SYCP2: variants seen among roughly 807,000 people sequenced by gnomAD.
The protein encoded by SYCP2 is synaptonemal complex protein 2.
Under a neutral mutation model 211.3 loss-of-function variants are expected in SYCP2, and 55 were observed. The observed-to-expected ratio is 0.26, with a 90% CI of 0.21 to 0.33. SYCP2 has a LOEUF of 0.33. SYCP2 is among the 10% of genes least tolerant of loss of function. The pLI is 1.00. For synonymous variants in SYCP2, 570 were observed against 555.2 expected, an observed-to-expected ratio of 1.03 and a Z score of -0.37; for missense variants, 1,731 against 1,752.0, an observed-to-expected ratio of 0.99 and a Z score of 0.21.
chr20:59,879,862 T>TACACACACAC (rs1236840424), intron 31 of SYCP2, among the ~76,000 whole-genome samples: 6 of 116,066 alleles, frequency 5.2e-5, no homozygotes, highest in African/African-American at 2.0e-4. Context: ...TATATATATA[T>TACACACACAC]ACACACACAC....
rs145920091 is a variant in SYCP2, at chr20:59,931,792, TAC to T, written c.-47+268_-47+269del. ...AGGAAAGCAAACTGAATAATCAGGT[TAC>T]ACACACACACACACGCATGCCTCAA... is the stretch of plus-strand genomic sequence containing the variant. On this transcript the variant is annotated intron_variant, in intron 2 of 44. Transcript: ENST00000357552. Among the ~76,000 whole-genome samples the T allele has an allele frequency of 1.1e-3, 163 of 150,970 alleles. 1 individual carries two copies. Among genetic ancestry groups the T allele is most frequent in the South Asian group, 9.8e-3 (47 of 4,782 alleles).
At position 59,865,626 on chromosome 20, in the gene SYCP2, C is replaced by T. The variant is rs539397918; in HGVS notation, c.4405G>A (p.Ala1469Thr). Reference sequence around the variant, plus strand: ...TCAGTATTACAGAAGACACTTTTAGCCAATGAAGTTTTCAAAAGATGAAGC... The same window carrying T: ...TCAGTATTACAGAAGACACTTTTAGTCAATGAAGTTTTCAAAAGATGAAGC... ...QRLHLLKTSL[A>T]KSVFCNTDSE... The change falls in exon 43 of 45, where the codon GCT (alanine) becomes ACT (threonine). Residue 1469 changes from alanine (A) to threonine (T), a missense_variant. Physicochemically the swap from Ala to Thr is moderately conservative, Grantham distance 58. Around this residue, in one of 3 missense-constraint regions of SYCP2, gnomAD observed 1,387 missense variants for 1,351.3 expected, o/e 1.03. Transcript: ENST00000357552. The T allele has an allele frequency of 1.7e-5, 27 of 1,599,786 alleles. No individual in the cohort carries two copies. The African/African-American group carries it at 3.4e-4, about 20-fold the overall frequency.
At chr20:59,915,979 C>A (rs929057514) in intron 8 of SYCP2, among the ~76,000 whole-genome samples, 18 of 151,810 alleles carry the variant, frequency 1.2e-4, no homozygotes, top group Admixed American at 1.1e-3. Flanking sequence ...GCAGATAGAG[C>A]AAGACTCTCT....
At chr20:59,868,781 G>A (rs1049161587) in intron 37 of SYCP2, 54 bp downstream of exon 37, 18 of 1,451,476 alleles carry the variant, frequency 1.2e-5, no homozygotes, top group Non-Finnish European at 1.6e-5. Flanking sequence ...TAGTTGAAAT[G>A]TCACGTAGCA....
At chr20:59,872,638 G>T (rs2059476104) in intron 35 of SYCP2, among the ~76,000 whole-genome samples, 1 of 151,900 alleles carries the variant, frequency 6.6e-6, no homozygotes, top group African/African-American at 2.4e-5. Flanking sequence ...TATTGGGGGG[G>T]TCTTGGAACG....
intron 15 of SYCP2, among the ~76,000 whole-genome samples, chr20:59,902,342 G>T (rs192960640): frequency 2.0e-4 from 31 of 152,084 alleles, no homozygotes; most frequent in Middle Eastern, 3.4e-3. Context: ...AGTAAACAGA[G>T]AATACAGCAA....
chr20:59,877,468 T>G lies in SYCP2; in HGVS notation c.3067A>C (p.Lys1023Gln), dbSNP rs1336433708. Residue 1023 changes from lysine (K) to glutamine (Q), a missense_variant, in exon 33 of 45, where the codon AAA becomes CAA. Coordinates refer to ENST00000357552, the MANE Select transcript of SYCP2 (RefSeq NM_014258.4). ...GAATTTGAGAGATCTTTATAGTTTT[T>G]TTTTGTTTTGGTTGCTTTTCGTGGA... Reference protein sequence around the residue: ...RLPRKATKTKKNYKDLSNSES... With the variant: ...RLPRKATKTKQNYKDLSNSES... 1.2e-5 allele frequency: 20 copies of G among 1,605,636 alleles called. No homozygotes were observed. Among genetic ancestry groups the G allele is most frequent in the Non-Finnish European group, 1.7e-5 (20 of 1,177,980 alleles).
At chr20:59,885,684 A>G (rs2059773898) in intron 26 of SYCP2, among the ~76,000 whole-genome samples, 1 of 152,156 alleles carries the variant, frequency 6.6e-6, no homozygotes, top group Non-Finnish European at 1.5e-5. Context: ...GATATACTGA[A>G]TCATATACCA....
At position 59,868,868 on chromosome 20, in the gene SYCP2, A is replaced by G. The variant is rs745342109; in HGVS notation, c.3799T>C (p.Phe1267Leu). 4 of 1,610,402 alleles carry G rather than the reference A, an allele frequency of 2.5e-6. No homozygotes were observed. The South Asian group carries it at 3.3e-5, about 13-fold the overall frequency. ...KSSEGREKTW[F>L]DMPCDATHVS... ...TGAGTAGCATCACAGGGCATGTCAA[A>G]CCACGTTTTCTCTCTTCCTTCACTA... Residue 1267 changes from phenylalanine (F) to leucine (L), a missense_variant, in exon 37 of 45, where the codon TTT (phenylalanine) becomes CTT (leucine). This residue lies in a region of SYCP2 where 1,387 missense variants were observed against 1,351.3 expected (regional missense o/e 1.03). Coordinates refer to ENST00000357552, the MANE Select transcript of SYCP2 (RefSeq NM_014258.4).
In SYCP2 at chr20:59,911,846, C is replaced by A; in HGVS notation, c.877-1G>T. ...GTTTTTCATCTGATGGTATTTGCAG[C>A]TAATAAAATAAACATACAAAACTGG... On this transcript the variant is annotated splice_acceptor_variant, in intron 13 of 44. Coordinates refer to ENST00000357552, the MANE Select transcript of SYCP2 (RefSeq NM_014258.4). LOFTEE classifies it high-confidence loss of function. The A allele has an allele frequency of 1.3e-6, 2 of 1,524,808 alleles. No individual in the cohort carries two copies. The highest frequency in any genetic ancestry group is 1.8e-6 in the Non-Finnish European group (2 of 1,114,776). 94.5% of individuals were successfully genotyped at this position (1,524,808 alleles called of 1,614,324 possible).
Position 59,914,025 on chromosome 20 carries a change from A to G in SYCP2, c.780T>C (p.Asp260=). The G allele has an allele frequency of 6.3e-7, 1 of 1,594,648 alleles. No homozygotes were observed. Among genetic ancestry groups the G allele is most frequent in the South Asian group, 1.1e-5 (1 of 87,134 alleles). The change falls in exon 12 of 45, where the codon GAT becomes GAC. Residue 260 remains aspartate, a splice_region_variant and synonymous_variant. Coordinates refer to ENST00000357552, the MANE Select transcript of SYCP2 (RefSeq NM_014258.4). ...TTACAAGGTTGAGAAATATCCTGCA[A>G]TCCTAATTTTAAAGAGAAATACTTT... The part of the protein sequence containing the change: ...KRIKDSEFET[D]CRIFLNLVNG...
chr20:59,919,103 TA>T, intron 7 of SYCP2, 54 bp downstream of exon 7: 1 of 950,886 alleles, frequency 1.1e-6, no homozygotes, highest in Non-Finnish European at 1.6e-6. Flanking sequence ...AAAATTATAC[TA>T]AAACTCTAAC....
At position 59,869,951 on chromosome 20, in the gene SYCP2, A is replaced by G; in HGVS notation, c.3588T>C (p.Ile1196=). ...GAGAACTTATTTTTTTTCTATTTAC[A>G]ATAGTATTACTCTTAGTTGGAGTAT... ...PRHTPTKSNT[I]VNRKKISSLV... Residue 1196 remains isoleucine, a synonymous_variant, in exon 36 of 45, where the codon ATT becomes ATC. Transcript: ENST00000357552. The G allele has an allele frequency of 6.2e-7, 1 of 1,602,872 alleles. No individual in the cohort carries two copies. The highest frequency in any genetic ancestry group is 8.5e-7 in the Non-Finnish European group (1 of 1,173,360).
In SYCP2 at chr20:59,919,610, ATGAAC is replaced by A. The variant is rs2060503690; in HGVS notation, c.298-18_298-14del. The A allele has an allele frequency of 6.6e-7, 1 of 1,520,728 alleles. No individual in the cohort carries two copies. Among genetic ancestry groups the A allele is most frequent in the African/African-American group, 1.4e-5 (1 of 72,410 alleles). 94.2% of individuals were successfully genotyped at this position (1,520,728 alleles called of 1,614,324 possible). A position where few individuals can be genotyped will look rare whatever the true frequency, so the allele number is the denominator to read the frequency against. On this transcript the variant is annotated splice_polypyrimidine_tract_variant and intron_variant, in intron 5 of 44. Transcript: ENST00000357552. ...ACCAGGCAACCATGTAAAAAAAGGAATGAACTTATTAGAGTTCCATTTTAATAATT... is the reference window on the plus strand; with the variant it reads ...ACCAGGCAACCATGTAAAAAAAGGAATTATTAGAGTTCCATTTTAATAATT...
Position 59,892,659 on chromosome 20 carries a change from G to A in SYCP2, c.1836C>T (p.His612=). The A allele has an allele frequency of 6.2e-7, 1 of 1,609,682 alleles. No individual in the cohort carries two copies. The change falls in exon 23 of 45, where the codon CAC becomes CAT. Residue 612 remains histidine, a synonymous_variant. Coordinates refer to ENST00000357552, the MANE Select transcript of SYCP2 (RefSeq NM_014258.4). ...CAGGTGTCCAACATGCCCATTTGCTGTGTATTTTATTTCCACAGATGTTGT... is the reference window on the plus strand; with the variant it reads ...CAGGTGTCCAACATGCCCATTTGCTATGTATTTTATTTCCACAGATGTTGT... ...VLDNICGNKI[H]SKWACWTPVT...
intron 2 of SYCP2, among the ~76,000 whole-genome samples, chr20:59,925,791 C>A (rs1240239408): frequency 6.6e-6 from 1 of 152,142 alleles, no homozygotes; most frequent in East Asian, 1.9e-4. Flanking sequence ...CTCCCAAATG[C>A]ATGTAGGTAC....
chr20:59,924,776 A>G (rs953673269), intron 2 of SYCP2, among the ~76,000 whole-genome samples: 1 of 152,036 alleles, frequency 6.6e-6, no homozygotes, highest in African/African-American at 2.4e-5. Flanking sequence ...TAATAAAACT[A>G]TATTACTGTT....
chr20:59,894,936 A>G (rs2059978855), intron 20 of SYCP2, among the ~76,000 whole-genome samples: 1 of 151,890 alleles, frequency 6.6e-6, no homozygotes, highest in Admixed American at 6.6e-5. Flanking sequence ...CATTCTCCAT[A>G]TTTTCTTAAA....
intron 41 of SYCP2, 31 bp from the exon 42 acceptor site, chr20:59,865,896 C>G: frequency 9.9e-7 from 1 of 1,010,644 alleles, no homozygotes; most frequent in African/African-American, 1.7e-5. Flanking sequence ...TTATTTAGTC[C>G]TAAATATTTT....
Sources: gnomAD v4.1 joint callset for allele counts (sites outside exome capture counted in the v4.1 genomes callset) on GRCh38, gnomAD v4.1.1 for gene constraint, gnomAD v4.1.1 regional missense constraint, MANE v1.5 for transcripts, NCBI Gene and HGNC (gene_info 2026-07-23, HGNC 2026-07-21) for gene names.